C10orf90: variants seen among roughly 807,000 people sequenced by gnomAD.
The protein encoded by C10orf90 is chromosome 10 open reading frame 90, also known as (E2-independent) E3 ubiquitin-conjugating enzyme FATS.
A neutral mutation model predicts 62.5 loss-of-function variants in C10orf90; 56 were observed. The ratio of observed to expected loss-of-function variants is 0.90; its 90% CI spans 0.72 to 1.12. C10orf90 has a LOEUF of 1.12. Ranked by LOEUF, C10orf90 falls within the 50% of genes most tolerant of loss-of-function variation. C10orf90 has a pLI of 0.00. For missense variants in C10orf90, 970 were observed against 880.4 expected (o/e 1.10, Z -1.29); for synonymous variants, 386 against 340.4 (o/e 1.13, Z -1.47).
chr10:126,565,022 TATATATTATATAAAATATATA>T (rs1174139739), intron 2 of C10orf90, among the ~76,000 whole-genome samples: 617 of 14,764 alleles, frequency 0.042, 135 homozygotes, highest in Non-Finnish European at 0.056. Context: ...TAATATATAT[TATATATTATATAAAATATATA>T]ATATATAATA....
chr10:126,457,845 GA>G (rs1262188783), intron 7 of C10orf90, among the ~76,000 whole-genome samples: 1 of 152,184 alleles, frequency 6.6e-6, no homozygotes, highest in Non-Finnish European at 1.5e-5. Flanking sequence ...AAGCTTCCTG[GA>G]AACTATATCC....
intron 4 of C10orf90, among the ~76,000 whole-genome samples, chr10:126,477,471 T>C (rs1860951775): frequency 1.3e-5 from 2 of 152,198 alleles, no homozygotes; most frequent in Non-Finnish European, 2.9e-5. Flanking sequence ...GTGTTTTGCC[T>C]TGACACTTTT....
rs551780569 is a variant in C10orf90 at position 126,449,886 on chromosome 10, A to G, written c.2188+9154T>C. Among the ~76,000 whole-genome samples, 28 of 151,968 alleles carry G rather than the reference A, an allele frequency of 1.8e-4. No homozygotes were observed. The South Asian group carries it at 5.8e-3, about 32-fold the overall frequency. On this transcript the variant is annotated intron_variant, in intron 7 of 9. Transcript: ENST00000488181. ...GTGGCATGTACCTGTAGTTCCAGCT[A>G]CTTGGGAGGCTGAGGCAGAAGAATC...
At chr10:126,603,855 T>G (rs2134044822) in intron 2 of C10orf90, among the ~76,000 whole-genome samples, 1 of 152,254 alleles carries the variant, frequency 6.6e-6, no homozygotes, top group African/African-American at 2.4e-5. Flanking sequence ...ATCTGCTGCG[T>G]GACAAGACGA....
chr10:126,505,831 G>A (rs2886744), intron 3 of C10orf90, among the ~76,000 whole-genome samples: 1,560 of 152,288 alleles, frequency 0.01, 6 homozygotes, highest in Non-Finnish European at 0.014. Flanking sequence ...GCACATGCCT[G>A]TAATCCCAGC....
chr10:126,437,916 T>A (rs756300177), intron 7 of C10orf90, among the ~76,000 whole-genome samples: 1 of 152,202 alleles, frequency 6.6e-6, no homozygotes, highest in African/African-American at 2.4e-5. Flanking sequence ...TATGGCAGTT[T>A]ATTGCTTCTT....
chr10:126,563,937 T>C (rs919953931), intron 2 of C10orf90, among the ~76,000 whole-genome samples: 10 of 152,164 alleles, frequency 6.6e-5, no homozygotes, highest in African/African-American at 2.4e-4. Flanking sequence ...TCAGCACTGC[T>C]GACCCCTGGG....
chr10:126,438,163 C>G (rs1331049302), intron 7 of C10orf90, among the ~76,000 whole-genome samples: 1 of 152,178 alleles, frequency 6.6e-6, no homozygotes. Flanking sequence ...TGAGGCAAAG[C>G]TAGCCACAGA....
intron 2 of C10orf90, among the ~76,000 whole-genome samples, 186 bp from the exon 3 acceptor site, chr10:126,514,125 T>C (rs1163213209): frequency 6.6e-6 from 1 of 152,208 alleles, no homozygotes; most frequent in African/African-American, 2.4e-5. Flanking sequence ...ATTTAACCTC[T>C]CTGGGTTCGT....
intron 2 of C10orf90, among the ~76,000 whole-genome samples, chr10:126,552,436 A>T (rs533827056): frequency 6.6e-6 from 1 of 152,278 alleles, no homozygotes; most frequent in Admixed American, 6.5e-5. Flanking sequence ...TCCCTCCACA[A>T]CACCTGAGGA....
At chr10:126,645,279 A>G (rs906274207) in intron 2 of C10orf90, among the ~76,000 whole-genome samples, 1 of 147,364 alleles carries the variant, frequency 6.8e-6, no homozygotes, top group African/African-American at 2.5e-5. Context: ...AAAAAAAAAA[A>G]GCTGGAGGCT....
At chr10:126,570,066 T>C (rs1220376729) in intron 2 of C10orf90, among the ~76,000 whole-genome samples, 1 of 152,202 alleles carries the variant, frequency 6.6e-6, no homozygotes, top group Middle Eastern at 3.2e-3. Context: ...AAAAATTAAA[T>C]AAAGCAAAAA....
chr10:126,472,364 G>A (rs1278307298), intron 4 of C10orf90, among the ~76,000 whole-genome samples: 1 of 152,062 alleles, frequency 6.6e-6, no homozygotes, highest in African/African-American at 2.4e-5. Flanking sequence ...TTTGTCTCTG[G>A]GAGCTACGAC....
chr10:126,666,165 G>A (rs1054080515), intron 1 of C10orf90, among the ~76,000 whole-genome samples: 1 of 152,158 alleles, frequency 6.6e-6, no homozygotes, highest in African/African-American at 2.4e-5. Flanking sequence ...ACTGCCCTGT[G>A]CATTGTAGAA....
chr10:126,546,054 C>T (rs886926894), intron 2 of C10orf90, among the ~76,000 whole-genome samples: 5 of 152,138 alleles, frequency 3.3e-5, no homozygotes, highest in Admixed American at 6.5e-5. Context: ...GCATCTCAGA[C>T]TTGAAGCTAC....
At chr10:126,574,879 G>A (rs938118132) in intron 2 of C10orf90, among the ~76,000 whole-genome samples, 2 of 152,102 alleles carry the variant, frequency 1.3e-5, no homozygotes, top group African/African-American at 4.8e-5. Flanking sequence ...ATTTGGGAGA[G>A]GGAAAATAAT....
intron 2 of C10orf90, among the ~76,000 whole-genome samples, chr10:126,601,916 G>A (rs59123166): frequency 1.9e-3 from 284 of 152,324 alleles, no homozygotes; most frequent in Non-Finnish European, 2.6e-3. Flanking sequence ...CGCTAACCTC[G>A]CTCTCGTTTA....
intron 2 of C10orf90, chr10:126,521,448 G>C (rs1863739882): frequency 1.3e-6 from 2 of 1,523,654 alleles, no homozygotes; most frequent in South Asian, 2.5e-5. Context: ...GAATGAGTCA[G>C]GCTTCCACCT....
intron 2 of C10orf90, among the ~76,000 whole-genome samples, chr10:126,627,271 A>G (rs1471894530): frequency 6.6e-6 from 1 of 152,190 alleles, no homozygotes; most frequent in East Asian, 1.9e-4. Flanking sequence ...AAGTGCTGGG[A>G]TTACAGGCAT....
Sources: gnomAD v4.1 joint callset for allele counts (sites outside exome capture counted in the v4.1 genomes callset) on GRCh38, gnomAD v4.1.1 for gene constraint, MANE v1.5 for transcripts, NCBI Gene and HGNC (gene_info 2026-07-23, HGNC 2026-07-21) for gene names.